CRB1: variants seen among roughly 807,000 people sequenced by gnomAD.
The protein encoded by CRB1 is protein crumbs homolog 1.
In CRB1, 83 loss-of-function variants were observed where a neutral mutation model predicts 120.0. That is an observed-to-expected ratio of 0.69 (90% CI 0.58 to 0.83). CRB1 has a LOEUF of 0.83. CRB1 is among the 40% of genes least tolerant of loss of function. The pLI is 0.00. For missense variants in CRB1, 1,699 were observed against 1,687.6 expected, an observed-to-expected ratio of 1.01 and a Z score of -0.12; for synonymous variants, 625 against 612.5, an observed-to-expected ratio of 1.02 and a Z score of -0.30.
In CRB1 at chr1:197,363,665, A is replaced by T. The variant is rs539757223; in HGVS notation, c.1171+6652A>T. On this transcript the variant is annotated intron_variant, in intron 5 of 11. Transcript: ENST00000367400. ...CTTTTGCTCCCTTTTCCAAAGACCAACAAAGAGAACTTTCCCAACTCCCAA... is the reference window on the plus strand; with the variant it reads ...CTTTTGCTCCCTTTTCCAAAGACCATCAAAGAGAACTTTCCCAACTCCCAA... Among the ~76,000 whole-genome samples, 6 of 152,276 alleles carry T rather than the reference A, an allele frequency of 3.9e-5. No individual in the cohort carries two copies. The South Asian group carries it at 1.0e-3, about 26-fold the overall frequency.
chr1:197,316,569 G>A (rs1023896187), intron 1 of CRB1, among the ~76,000 whole-genome samples: 2 of 152,158 alleles, frequency 1.3e-5, no homozygotes, highest in African/African-American at 4.8e-5. Flanking sequence ...AATACACAAA[G>A]AAAGTGAATA....
the CRB1 span, among the ~76,000 whole-genome samples, chr1:197,237,707 G>A: frequency 6.6e-6 from 1 of 152,062 alleles, no homozygotes; most frequent in Non-Finnish European, 1.5e-5. Context: ...GTGATGACTT[G>A]TCTTTCATTT....
chr1:197,416,365 G>T (rs1466540356), intron 5 of CRB1, among the ~76,000 whole-genome samples: 1 of 152,112 alleles, frequency 6.6e-6, no homozygotes, highest in Non-Finnish European at 1.5e-5. Context: ...AATGTTGCCT[G>T]AGTTTTATTC....
At chr1:197,273,668 A>G (rs1655027832) in intron 1 of CRB1, among the ~76,000 whole-genome samples, 1 of 152,090 alleles carries the variant, frequency 6.6e-6, no homozygotes, top group African/African-American at 2.4e-5. Context: ...TTATAAGTCA[A>G]TACTATTTTA....
At chr1:197,300,315 A>T (rs927381334) in intron 1 of CRB1, among the ~76,000 whole-genome samples, 1 of 151,986 alleles carries the variant, frequency 6.6e-6, no homozygotes, top group African/African-American at 2.4e-5. Context: ...CAAGATGTCA[A>T]TGCAGAGGAA....
At chr1:197,355,681 C>A (rs906229711) in intron 4 of CRB1, among the ~76,000 whole-genome samples, 2 of 152,166 alleles carry the variant, frequency 1.3e-5, no homozygotes, top group Admixed American at 6.5e-5. Context: ...GCCCACCGGC[C>A]GCTCTGAGTT....
chr1:197,326,108 A>G (rs1270334367), intron 1 of CRB1, among the ~76,000 whole-genome samples: 2 of 152,226 alleles, frequency 1.3e-5, no homozygotes, highest in African/African-American at 2.4e-5. Flanking sequence ...ATATGTATGC[A>G]TATACATATG....
intron 4 of CRB1, among the ~76,000 whole-genome samples, chr1:197,356,119 A>G (rs1660467173): frequency 6.6e-6 from 1 of 152,248 alleles, no homozygotes; most frequent in African/African-American, 2.4e-5. Flanking sequence ...TAGACTGTGC[A>G]AGGGAGTGAA....
chr1:197,256,023 T>C, the CRB1 span, among the ~76,000 whole-genome samples: 1 of 135,266 alleles, frequency 7.4e-6, no homozygotes, highest in East Asian at 2.2e-4. Flanking sequence ...TATATATGTA[T>C]GTATATACAC....
chr1:197,469,046 A>T (rs1332587474), intron 11 of CRB1, among the ~76,000 whole-genome samples: 1 of 152,038 alleles, frequency 6.6e-6, no homozygotes, highest in Non-Finnish European at 1.5e-5. Context: ...AATGGGACTC[A>T]TTAATAAAGA....
chr1:197,409,017 A>G (rs1663561246), intron 5 of CRB1, among the ~76,000 whole-genome samples: 1 of 152,236 alleles, frequency 6.6e-6, no homozygotes, highest in African/African-American at 2.4e-5. Context: ...TCGTTTGAAG[A>G]TCTCAGAATA....
chr1:197,270,213 C>T (rs1250724640), intron 1 of CRB1, among the ~76,000 whole-genome samples: 1 of 152,128 alleles, frequency 6.6e-6, no homozygotes, highest in Admixed American at 6.6e-5. Flanking sequence ...AAATTGCTAA[C>T]ATTGTGTTAA....
chr1:197,365,502 G>T (rs147650539), intron 5 of CRB1, among the ~76,000 whole-genome samples: 163 of 152,122 alleles, frequency 1.1e-3, no homozygotes, highest in Admixed American at 3.6e-3. Context: ...CTCTGGGGAG[G>T]GGGGGAGAAG....
intron 5 of CRB1, among the ~76,000 whole-genome samples, chr1:197,365,240 C>A (rs1389295479): frequency 6.6e-6 from 1 of 152,106 alleles, no homozygotes; most frequent in Non-Finnish European, 1.5e-5. Flanking sequence ...AAATGGGAGT[C>A]TTTGATTTAT....
At chr1:197,429,362 TA>T in intron 7 of CRB1, 86 bp from the exon 8 acceptor site, 1 of 1,512,732 alleles carries the variant, frequency 6.6e-7, no homozygotes, top group Non-Finnish European at 9.2e-7. Flanking sequence ...ATTAGCATTT[TA>T]AAAAAACAGA....
At chr1:197,352,795 AT>A (rs1660181854) in intron 4 of CRB1, among the ~76,000 whole-genome samples, 1 of 151,800 alleles carries the variant, frequency 6.6e-6, no homozygotes, top group South Asian at 2.1e-4. Flanking sequence ...GAGCTGCAGA[AT>A]TTATGTTGTG....
chr1:197,348,730 C>T (rs576915822), intron 4 of CRB1, among the ~76,000 whole-genome samples: 48 of 152,264 alleles, frequency 3.2e-4, no homozygotes, highest in African/African-American at 1.1e-3. Context: ...CCCGCCTCAG[C>T]CTCCCAAAGT....
At chr1:197,297,035 A>G (rs796968000) in intron 1 of CRB1, among the ~76,000 whole-genome samples, 20 of 151,998 alleles carry the variant, frequency 1.3e-4, no homozygotes, top group African/African-American at 4.3e-4. Context: ...TCCTCTCTTT[A>G]TTCTCTAGTC....
intron 5 of CRB1, among the ~76,000 whole-genome samples, chr1:197,384,043 T>C (rs1471429371): frequency 6.6e-6 from 1 of 152,214 alleles, no homozygotes; most frequent in Non-Finnish European, 1.5e-5. Flanking sequence ...ATTCAGCAGA[T>C]GTAATAATTT....
Sources: gnomAD v4.1 joint callset for allele counts (sites outside exome capture counted in the v4.1 genomes callset) on GRCh38, gnomAD v4.1.1 for gene constraint, MANE v1.5 for transcripts, NCBI Gene and HGNC (gene_info 2026-07-23, HGNC 2026-07-21) for gene names.